CELF4: variants seen among roughly 807,000 people sequenced by gnomAD.
CELF4 encodes CUG-BP- and ETR-3-like factor 4.
In CELF4, 18 loss-of-function variants were observed where a neutral mutation model predicts 59.9. That is an observed-to-expected ratio of 0.30 (90% CI 0.21 to 0.45). CELF4 has a LOEUF of 0.45. CELF4 is among the 20% of genes least tolerant of loss of function. The pLI, the probability that CELF4 is intolerant of heterozygous loss-of-function variation, is 1.00. For missense variants in CELF4, 456 were observed against 689.0 expected (o/e 0.66, Z 3.79); for synonymous variants, 261 against 267.1 (o/e 0.98, Z 0.22).
chr18:37,362,696 A>G (rs953448987), intron 2 of CELF4, among the ~76,000 whole-genome samples: 2 of 151,690 alleles, frequency 1.3e-5, no homozygotes, highest in Admixed American at 6.6e-5. Context: ...CCCGCGCTGA[A>G]CTCTGAACCT....
chr18:37,267,188 G>C (rs1175365576), intron 8 of CELF4, among the ~76,000 whole-genome samples: 1 of 152,218 alleles, frequency 6.6e-6, no homozygotes, highest in Non-Finnish European at 1.5e-5. Context: ...CGCAAATAGG[G>C]TCTTCCCAGC....
intron 2 of CELF4, among the ~76,000 whole-genome samples, chr18:37,394,390 C>G (rs1169674988): frequency 6.6e-6 from 1 of 152,186 alleles, no homozygotes; most frequent in Non-Finnish European, 1.5e-5. Context: ...GCATACCATG[C>G]GGGCACCAGG....
chr18:37,485,787 C>T (rs1358185031), intron 1 of CELF4, 180 bp from the exon 2 acceptor site: 2 of 389,468 alleles, frequency 5.1e-6, no homozygotes, highest in South Asian at 1.3e-4. Flanking sequence ...TCCCGGCTGT[C>T]TGCCTCTCGT....
chr18:37,274,497 T>G (rs963704567), intron 5 of CELF4, 43 bp from the exon 6 acceptor site: 2 of 1,608,946 alleles, frequency 1.2e-6, no homozygotes, highest in African/African-American at 2.7e-5. Flanking sequence ...CTCCAGAGCC[T>G]CCGCCCGCAG....
At chr18:37,437,384 C>T (rs931123060) in intron 2 of CELF4, among the ~76,000 whole-genome samples, 2 of 152,206 alleles carry the variant, frequency 1.3e-5, no homozygotes, top group Non-Finnish European at 2.9e-5. Flanking sequence ...AGCCGGGAAG[C>T]CTTTCAGCAT....
chr18:37,382,905 G>A (rs650680), intron 2 of CELF4, among the ~76,000 whole-genome samples: 72,946 of 151,876 alleles, frequency 0.48, 18,078 homozygotes, highest in East Asian at 0.7. Context: ...TGGATAGAGT[G>A]TGGCCCACTC....
intron 2 of CELF4, among the ~76,000 whole-genome samples, chr18:37,421,031 C>T (rs761069861): frequency 6.6e-6 from 1 of 152,184 alleles, no homozygotes; most frequent in Non-Finnish European, 1.5e-5. Context: ...CTTTCCTTTC[C>T]AACTCCTTGA....
chr18:37,553,636 T>A (rs946211876), intron 1 of CELF4, among the ~76,000 whole-genome samples: 22 of 152,348 alleles, frequency 1.4e-4, no homozygotes, highest in South Asian at 8.3e-4. Context: ...TTTTGGGTTT[T>A]CTGATCCTCC....
chr18:37,256,254 A>T (rs2069348445), intron 11 of CELF4, among the ~76,000 whole-genome samples: 3 of 152,200 alleles, frequency 2.0e-5, no homozygotes, highest in Admixed American at 2.0e-4. Flanking sequence ...CCTCCTTCCA[A>T]CATAGGAACA....
At chr18:37,365,775 C>T (rs1050085774) in intron 2 of CELF4, among the ~76,000 whole-genome samples, 4 of 152,032 alleles carry the variant, frequency 2.6e-5, no homozygotes, top group Admixed American at 6.5e-5. Context: ...TGTGAACCAC[C>T]GCACCCGGCC....
intron 12 of CELF4, among the ~76,000 whole-genome samples, chr18:37,247,681 G>T (rs559193179): frequency 1.3e-5 from 2 of 151,840 alleles, no homozygotes; most frequent in South Asian, 4.2e-4. Context: ...ACACACGGTT[G>T]TTTATGCAGA....
chr18:37,324,674 C>T (rs2097241077), intron 2 of CELF4, among the ~76,000 whole-genome samples: 1 of 152,112 alleles, frequency 6.6e-6, no homozygotes, highest in African/African-American at 2.4e-5. Context: ...TAAAAAGGTA[C>T]ACTCAAGGCT....
intron 2 of CELF4, among the ~76,000 whole-genome samples, chr18:37,362,576 G>A (rs911920190): frequency 3.3e-5 from 5 of 152,160 alleles, no homozygotes; most frequent in Admixed American, 1.3e-4. Flanking sequence ...CCAGGACACA[G>A]GGAGGGTCAC....
intron 2 of CELF4, among the ~76,000 whole-genome samples, chr18:37,361,652 C>T (rs1184046912): frequency 6.6e-6 from 1 of 151,996 alleles, no homozygotes; most frequent in Admixed American, 6.5e-5. Flanking sequence ...GGTGGGGAAG[C>T]GGACTAGCCC....
chr18:37,474,950 G>A (rs1026488430), intron 2 of CELF4, among the ~76,000 whole-genome samples: 12 of 152,210 alleles, frequency 7.9e-5, no homozygotes, highest in South Asian at 4.1e-4. Flanking sequence ...GCTAGAAAGC[G>A]GAAGACCCCT....
intron 2 of CELF4, among the ~76,000 whole-genome samples, chr18:37,454,580 A>C (rs2154601852): frequency 6.6e-6 from 1 of 152,210 alleles, no homozygotes; most frequent in East Asian, 1.9e-4. Flanking sequence ...CACCCCCGCA[A>C]TAAGCAAGGT....
intron 2 of CELF4, among the ~76,000 whole-genome samples, chr18:37,479,366 C>T (rs1255452971): frequency 2.0e-5 from 3 of 152,228 alleles, no homozygotes; most frequent in Non-Finnish European, 2.9e-5. Context: ...GATGGGGTTT[C>T]TCTACCTTGG....
chr18:37,511,291 C>T (rs1243519934), intron 1 of CELF4, among the ~76,000 whole-genome samples: 1 of 152,118 alleles, frequency 6.6e-6, no homozygotes, highest in South Asian at 2.1e-4. Flanking sequence ...TGTGTGCTGC[C>T]CTCATGAGCA....
intron 2 of CELF4, among the ~76,000 whole-genome samples, chr18:37,413,792 T>C (rs1603637681): frequency 6.6e-6 from 1 of 152,340 alleles, no homozygotes; most frequent in East Asian, 1.9e-4. Context: ...CATCCTCCCT[T>C]ATGTGCAGTG....
Sources: gnomAD v4.1 joint callset for allele counts (sites outside exome capture counted in the v4.1 genomes callset) on GRCh38, gnomAD v4.1.1 for gene constraint, MANE v1.5 for transcripts, NCBI Gene and HGNC (gene_info 2026-07-23, HGNC 2026-07-21) for gene names.